Variants in CNTNAP2 observed in about 807,000 individuals in gnomAD.
CNTNAP2 encodes contactin associated protein 2.
A neutral mutation model predicts 155.2 loss-of-function variants in CNTNAP2; 98 were observed. The ratio of observed to expected loss-of-function variants is 0.63; its 90% CI spans 0.54 to 0.75. CNTNAP2 has a LOEUF of 0.75. Among genes scored for constraint, CNTNAP2 ranks in the 30% least tolerant of loss-of-function variants. CNTNAP2 has a pLI of 0.00. For missense variants in CNTNAP2, 1,727 were observed against 1,688.1 expected (o/e 1.02, Z -0.40); for synonymous variants, 651 against 631.2 (o/e 1.03, Z -0.47).
At chr7:147,577,872 T>C (rs1407818400) in intron 12 of CNTNAP2, among the ~76,000 whole-genome samples, 4 of 152,120 alleles carry the variant, frequency 2.6e-5, no homozygotes, top group African/African-American at 9.7e-5. Context: ...TCTACTCTCC[T>C]CAAGTTTATC....
intron 4 of CNTNAP2, among the ~76,000 whole-genome samples, chr7:147,050,463 A>C (rs1256493516): frequency 1.3e-5 from 2 of 152,226 alleles, no homozygotes; most frequent in East Asian, 1.9e-4. Context: ...TGGATGAATA[A>C]ATAATAAAAC....
intron 1 of CNTNAP2, among the ~76,000 whole-genome samples, chr7:146,494,474 A>C (rs935719584): frequency 1.3e-5 from 2 of 152,206 alleles, no homozygotes; most frequent in African/African-American, 4.8e-5. Context: ...GAAAGCATAA[A>C]GAATATTATC....
intron 4 of CNTNAP2, among the ~76,000 whole-genome samples, chr7:147,070,749 C>T (rs1384530317): frequency 6.6e-6 from 1 of 152,146 alleles, no homozygotes; most frequent in Non-Finnish European, 1.5e-5. Context: ...GATTCCATGT[C>T]AGGCAACTTT....
At chr7:147,376,457 ACT>A (rs1182348290) in intron 9 of CNTNAP2, among the ~76,000 whole-genome samples, 1 of 151,804 alleles carries the variant, frequency 6.6e-6, no homozygotes, top group Non-Finnish European at 1.5e-5. Context: ...CTATTTGAAC[ACT>A]CTGTTATCAG....
intron 13 of CNTNAP2, among the ~76,000 whole-genome samples, chr7:147,804,247 A>T (rs971123919): frequency 2.0e-5 from 3 of 152,198 alleles, no homozygotes; most frequent in African/African-American, 7.2e-5. Context: ...TTGATAATTA[A>T]TAGGTTCTCT....
chr7:146,464,187 G>GTTTTTTTTTTTTTTTTTTTTT (rs369508603), intron 1 of CNTNAP2, among the ~76,000 whole-genome samples: 3 of 91,544 alleles, frequency 3.3e-5, no homozygotes, highest in African/African-American at 1.1e-4. Context: ...CTTTGAAACT[G>GTTTTTTTTTTTTTTTTTTTTT]TTTTTTTTTT....
chr7:147,544,640 T>G (rs1386777180), intron 11 of CNTNAP2, among the ~76,000 whole-genome samples: 2 of 151,988 alleles, frequency 1.3e-5, no homozygotes, highest in East Asian at 1.9e-4. Context: ...ATATTATATA[T>G]ATATGTGATA....
intron 21 of CNTNAP2, among the ~76,000 whole-genome samples, chr7:148,291,679 T>C (rs1250582085): frequency 6.6e-6 from 1 of 152,128 alleles, no homozygotes; most frequent in East Asian, 1.9e-4. Flanking sequence ...TTCAGTCCAA[T>C]CAAGTTGACA....
At chr7:148,301,304 A>ATATATATATATATATATAT (rs533956682) in intron 21 of CNTNAP2, among the ~76,000 whole-genome samples, 3 of 30,264 alleles carry the variant, frequency 9.9e-5, no homozygotes, top group Non-Finnish European at 1.1e-4. Context: ...AAAAAAAAAA[A>ATATATATATATATATATAT]AAATATATAT....
chr7:146,335,669 TC>T (rs1801262164), intron 1 of CNTNAP2, among the ~76,000 whole-genome samples: 1 of 152,168 alleles, frequency 6.6e-6, no homozygotes, highest in African/African-American at 2.4e-5. Context: ...AAAAAAAGTC[TC>T]CCTTTTAATA....
chr7:146,859,402 G>C (rs1469497086), intron 3 of CNTNAP2, among the ~76,000 whole-genome samples: 1 of 152,074 alleles, frequency 6.6e-6, no homozygotes, highest in East Asian at 1.9e-4. Flanking sequence ...CACACCTGTA[G>C]TCCCAGCACT....
chr7:146,813,826 G>T (rs1803114350), intron 2 of CNTNAP2, among the ~76,000 whole-genome samples: 1 of 152,084 alleles, frequency 6.6e-6, no homozygotes. Context: ...GACCCGGTGG[G>T]AAGTAATTGA....
intron 21 of CNTNAP2, among the ~76,000 whole-genome samples, chr7:148,321,897 C>CTTT (rs201482522): frequency 2.8e-5 from 4 of 141,488 alleles, no homozygotes; most frequent in Admixed American, 7.1e-5. Flanking sequence ...ATAAATTCTT[C>CTTT]TTTTTTTTTT....
intron 1 of CNTNAP2, among the ~76,000 whole-genome samples, chr7:146,576,571 C>T (rs146439902): frequency 6.6e-6 from 1 of 152,270 alleles, no homozygotes; most frequent in Non-Finnish European, 1.5e-5. Flanking sequence ...TTGATTATGG[C>T]TCCAATTGTG....
chr7:148,006,186 G>C (rs1232405647), intron 15 of CNTNAP2, among the ~76,000 whole-genome samples: 1 of 152,110 alleles, frequency 6.6e-6, no homozygotes, highest in Non-Finnish European at 1.5e-5. Context: ...CAGGTACAGG[G>C]GCAACAGTGC....
At position 147,957,988 on chromosome 7, in the gene CNTNAP2, T is replaced by C. The variant is rs6972904; in HGVS notation, c.2256-19874T>C. ...TGCTTGGAAGGCTGAGATGGAAGGA[T>C]TGCTTGAGCCTTGGAGGTTGAGGCT... On this transcript the variant is annotated intron_variant, in intron 14 of 23. Transcript: ENST00000361727. Among the ~76,000 whole-genome samples the C allele has an allele frequency of 1.2e-3, 183 of 152,224 alleles. 1 individual carries two copies. Among genetic ancestry groups the C allele is most frequent in the African/African-American group, 4.2e-3 (173 of 41,534 alleles).
chr7:146,420,938 T>C (rs565540852), intron 1 of CNTNAP2, among the ~76,000 whole-genome samples: 167 of 152,206 alleles, frequency 1.1e-3, no homozygotes, highest in African/African-American at 3.8e-3. Context: ...CTGTTCAGAA[T>C]GCCCTGATAG....
At chr7:147,828,320 G>A (rs1798492857) in intron 13 of CNTNAP2, among the ~76,000 whole-genome samples, 1 of 152,134 alleles carries the variant, frequency 6.6e-6, no homozygotes, top group Non-Finnish European at 1.5e-5. Context: ...TTTTCTAACT[G>A]GAAGGGGCTT....
intron 4 of CNTNAP2, among the ~76,000 whole-genome samples, chr7:147,095,385 CAT>C (rs2129275044): frequency 6.6e-6 from 1 of 151,998 alleles, no homozygotes; most frequent in South Asian, 2.1e-4. Flanking sequence ...AGGACTTCAC[CAT>C]CATAACCTAA....
Sources: allele counts gnomAD v4.1 joint callset (sites outside exome capture counted in the v4.1 genomes callset), GRCh38; gene constraint gnomAD v4.1.1; transcripts MANE v1.5; gene names NCBI Gene and HGNC (gene_info 2026-07-23, HGNC 2026-07-21).